The following SCO1 variants were observed in gnomAD, a reference collection of about 807,000 sequenced individuals.
SCO1 encodes the protein cytochrome c oxidase assembly factor SCO1.
Under a neutral mutation model 34.0 loss-of-function variants are expected in SCO1, and 23 were observed. The ratio of observed to expected loss-of-function variants is 0.68; its 90% CI spans 0.49 to 0.96. SCO1 has a LOEUF of 0.96. Among genes scored for constraint, SCO1 ranks in the 40% least tolerant of loss-of-function variants. The probability of loss-of-function intolerance (pLI) is 0.00; values close to 1 mark genes in which losing one functional copy is unlikely to be tolerated. For missense variants in SCO1, 404 were observed against 381.6 expected (o/e 1.06, Z -0.49); for synonymous variants, 161 against 145.5 (o/e 1.11, Z -0.77).
chr17:10,674,889 T>C lies in SCO1; in HGVS notation c.*6230A>G, dbSNP rs2074570515. The C allele has an allele frequency of 6.6e-6, 1 of 152,226 alleles. No homozygotes were observed. Among genetic ancestry groups the C allele is most frequent in the South Asian group, 2.1e-4 (1 of 4,830 alleles). The allele number at this position is 152,226 out of a possible 1,614,324, so 9.4% of individuals were successfully genotyped here. On this transcript the variant is annotated 3_prime_UTR_variant, in exon 6 of 6. Transcript: ENST00000255390. ...TCAGATGGCTCAAACACAGTGGTAA[T>C]GTCCCTGGCTTACTCCATCAAAATG...
chr17:10,674,515 C>A lies in SCO1; in HGVS notation c.*6604G>T. 1 of 235,552 alleles carries A rather than the reference C, an allele frequency of 4.2e-6. No homozygotes were observed. The highest frequency in any genetic ancestry group is 4.5e-5 in the South Asian group (1 of 22,104). 14.6% of individuals were successfully genotyped at this position (235,552 alleles called of 1,614,324 possible). ...AGAAGCTGCATTTCTGCTAAGTACCCCAGTGGTGTGACACTGCCGGACCAC... is the reference window on the plus strand; with the variant it reads ...AGAAGCTGCATTTCTGCTAAGTACCACAGTGGTGTGACACTGCCGGACCAC... On this transcript the variant is annotated 3_prime_UTR_variant, in exon 6 of 6. Coordinates refer to ENST00000255390, the MANE Select transcript of SCO1 (RefSeq NM_004589.4).
chr17:10,695,886 C>T, intron 1 of SCO1, 55 bp from the exon 2 acceptor site: 1 of 1,299,464 alleles, frequency 7.7e-7, no homozygotes, highest in South Asian at 1.2e-5. Flanking sequence ...AAACATTTAA[C>T]CATACAAACT....
In SCO1 at chr17:10,694,169, G is replaced by A. The variant is rs926617929; in HGVS notation, c.365-1208C>T. Among the ~76,000 whole-genome samples, 7 of 152,268 alleles carry A rather than the reference G, an allele frequency of 4.6e-5. No individual in the cohort carries two copies. The East Asian group carries it at 7.7e-4, about 17-fold the overall frequency. On this transcript the variant is annotated intron_variant, in intron 2 of 5. Coordinates refer to ENST00000255390, the MANE Select transcript of SCO1 (RefSeq NM_004589.4). ...TATTCCTGCCAAAGGTACACAACCCGAATGACCTGAATGAGGAAACATCAG... is the reference window on the plus strand; with the variant it reads ...TATTCCTGCCAAAGGTACACAACCCAAATGACCTGAATGAGGAAACATCAG...
Position 10,697,493 on chromosome 17 carries a change from G to C in SCO1, c.15C>G (p.Val5=), listed in dbSNP as rs780334801. The C allele has an allele frequency of 1.9e-6, 3 of 1,613,322 alleles. No homozygotes were observed. Among genetic ancestry groups the C allele is most frequent in the Admixed American group, 1.7e-5 (1 of 59,978 alleles). MAML[V]LVPGRVMRPL... ...GCCGCATAACTCGTCCGGGTACTAG[G>C]ACCAGCATCGCCATGAGCCTCGGAG... The change falls in exon 1 of 6, where the codon GTC becomes GTG. Residue 5 remains valine (V), a synonymous_variant. Coordinates refer to ENST00000255390, the MANE Select transcript of SCO1 (RefSeq NM_004589.4).
chr17:10,686,423 A>G (rs1313974967), intron 5 of SCO1, among the ~76,000 whole-genome samples: 1 of 151,426 alleles, frequency 6.6e-6, no homozygotes, highest in African/African-American at 2.4e-5. Flanking sequence ...CTACCAAAAA[A>G]TATAAAAAAG....
At chr17:10,689,008 T>C (rs1371971119) in intron 4 of SCO1, among the ~76,000 whole-genome samples, 1 of 142,334 alleles carries the variant, frequency 7.0e-6, no homozygotes, top group African/African-American at 2.8e-5. Context: ...CCCAGCTACT[T>C]GGGAGGCTGA....
rs770075115 is a variant in SCO1 at position 10,697,479 on chromosome 17, C to T, written c.29G>A (p.Arg10Gln). 2 of 1,613,476 alleles carry T rather than the reference C, an allele frequency of 1.2e-6. No homozygotes were observed. The highest frequency in any genetic ancestry group is 8.5e-7 in the Non-Finnish European group (1 of 1,179,926). Residue 10 changes from arginine (R) to glutamine (Q), a missense_variant, in exon 1 of 6, where the codon CGA (arginine) becomes CAA (glutamine). By Grantham distance (43) the Arg-to-Gln change is conservative. Coordinates refer to ENST00000255390, the MANE Select transcript of SCO1 (RefSeq NM_004589.4). ...TTGGCCACCCAGAGGCCGCATAACT[C>T]GTCCGGGTACTAGGACCAGCATCGC... MAMLVLVPG[R>Q]VMRPLGGQLW... is the part of the protein sequence containing the mutation.
At position 10,676,323 on chromosome 17, in the gene SCO1, T is replaced by C. The variant is rs1023805918; in HGVS notation, c.*4796A>G. The C allele has an allele frequency of 1.3e-5, 2 of 152,172 alleles. No homozygotes were observed. Among genetic ancestry groups the C allele is most frequent in the Non-Finnish European group, 2.9e-5 (2 of 68,078 alleles). 9.4% of individuals were successfully genotyped at this position (152,172 alleles called of 1,614,324 possible). A position where few individuals can be genotyped will look rare whatever the true frequency, so the allele number is the denominator to read the frequency against. The stretch of plus-strand genomic sequence containing the variant: ...TCAGGCCAGTCTCGAACTCTCAACC[T>C]CAGGTGATCCACCCGCCTTTGCTTC... On this transcript the variant is annotated 3_prime_UTR_variant, in exon 6 of 6. Coordinates refer to ENST00000255390, the MANE Select transcript of SCO1 (RefSeq NM_004589.4).
chr17:10,691,896 C>T lies in SCO1; in HGVS notation c.631G>A (p.Glu211Lys), dbSNP rs763158579. 6.2e-7 allele frequency: 1 copy of T among 1,612,422 alleles called. No individual in the cohort carries two copies. Among genetic ancestry groups the T allele is most frequent in the Non-Finnish European group, 8.5e-7 (1 of 1,178,472 alleles). Residue 211 changes from glutamate to lysine, a missense_variant, in exon 4 of 6, where the codon GAA becomes AAA. Coordinates refer to ENST00000255390, the MANE Select transcript of SCO1 (RefSeq NM_004589.4). ...ISIDPERDTK[E>K]AIANYVKEFS... Reference sequence around the variant, plus strand: ...CCTTTCACATAATTTGCGATGGCTTCTTTTGTGTCCCTCTCTGGGTCAATG... The same window carrying T: ...CCTTTCACATAATTTGCGATGGCTTTTTTTGTGTCCCTCTCTGGGTCAATG...
intron 2 of SCO1, among the ~76,000 whole-genome samples, chr17:10,694,152 C>A (rs1444617497): frequency 1.3e-5 from 2 of 152,150 alleles, no homozygotes; most frequent in African/African-American, 4.8e-5. Context: ...GATATTCCTG[C>A]CAAAGGTACA....
In SCO1 at chr17:10,673,002, T is replaced by G. The variant is rs2074556254; in HGVS notation, c.*8117A>C. 1 of 108,156 alleles carries G rather than the reference T, an allele frequency of 9.2e-6. No homozygotes were observed. The allele number at this position is 108,156 out of a possible 1,614,324, so 6.7% of individuals were successfully genotyped here. On this transcript the variant is annotated 3_prime_UTR_variant, in exon 6 of 6. Transcript: ENST00000255390. ...CTAAAAGCTGCCCTAATTTTTCTTT[T>G]TTTTCTTTTTTTTTTTTTTTGAGAT... is the stretch of plus-strand genomic sequence containing the variant.
intron 3 of SCO1, among the ~76,000 whole-genome samples, chr17:10,692,419 C>T (rs571309172): frequency 1.3e-5 from 2 of 152,258 alleles, no homozygotes; most frequent in East Asian, 3.9e-4. Context: ...TAGTAAAATG[C>T]CACAGACTGC....
chr17:10,697,370 C>G lies in SCO1; in HGVS notation c.138G>C (p.Ala46=), dbSNP rs2074738170. ...TARVLLRQFC[A]RQAEAWRASG... is the part of the protein sequence containing the mutation. ...AGGCACGCCACGCCTCCGCTTGCCG[C>G]GCGCAGAACTGCCTCAGCAAGACTC... The change falls in exon 1 of 6, where the codon GCG becomes GCC. Residue 46 remains alanine, a synonymous_variant. Transcript: ENST00000255390. 6.3e-7 allele frequency: 1 copy of G among 1,596,248 alleles called. No individual in the cohort carries two copies. The highest frequency in any genetic ancestry group is 8.5e-7 in the Non-Finnish European group (1 of 1,171,318).
In SCO1 at chr17:10,674,272, T is replaced by G. The variant is rs776064181; in HGVS notation, c.*6847A>C. On this transcript the variant is annotated 3_prime_UTR_variant, in exon 6 of 6. Transcript: ENST00000255390. Reference sequence around the variant, plus strand: ...TCTACTAAAAATACAAAAATTACCATGCACGCCACCGGGCATGGTGGCGGG... The same window carrying G: ...TCTACTAAAAATACAAAAATTACCAGGCACGCCACCGGGCATGGTGGCGGG... 6.2e-6 allele frequency: 1 copy of G among 162,558 alleles called. No homozygotes were observed. The highest frequency in any genetic ancestry group is 1.3e-5 in the Non-Finnish European group (1 of 74,604). The allele number at this position is 162,558 out of a possible 1,614,324, so 10.1% of individuals were successfully genotyped here.
chr17:10,673,566 G>A lies in SCO1; in HGVS notation c.*7553C>T, dbSNP rs2074561068. 2 of 152,340 alleles carry A rather than the reference G, an allele frequency of 1.3e-5. No individual in the cohort carries two copies. The highest frequency in any genetic ancestry group is 3.4e-3 in the Middle Eastern group (1 of 294). 9.4% of individuals were successfully genotyped at this position (152,340 alleles called of 1,614,324 possible). ...CCCCACTTTCTTCTGTAACTAAGACGGCCTTAGCAGAGCCTGGGCTGACAG... is the reference window on the plus strand; with the variant it reads ...CCCCACTTTCTTCTGTAACTAAGACAGCCTTAGCAGAGCCTGGGCTGACAG... On this transcript the variant is annotated 3_prime_UTR_variant, in exon 6 of 6. Transcript: ENST00000255390.
rs535129841 is a variant in SCO1 at position 10,694,270 on chromosome 17, G to C, written c.365-1309C>G. On this transcript the variant is annotated intron_variant, in intron 2 of 5. Transcript: ENST00000255390. Reference sequence around the variant, plus strand: ...AAAGCTGTCAAGGTTGTGGGAGTCAGTTAAAGCCTGGGAAACTGTTACAGA... The same window carrying C: ...AAAGCTGTCAAGGTTGTGGGAGTCACTTAAAGCCTGGGAAACTGTTACAGA... Among the ~76,000 whole-genome samples, 7 of 152,352 alleles carry C rather than the reference G, an allele frequency of 4.6e-5. No homozygotes were observed. The East Asian group carries it at 1.4e-3, about 29-fold the overall frequency.
In SCO1 at chr17:10,676,102, CTTT is replaced by C. The variant is rs772905357; in HGVS notation, c.*5014_*5016del. The C allele has an allele frequency of 6.6e-6, 1 of 151,978 alleles. No individual in the cohort carries two copies. The highest frequency in any genetic ancestry group is 2.4e-5 in the African/African-American group (1 of 41,360). The allele number at this position is 151,978 out of a possible 1,614,324, so 9.4% of individuals were successfully genotyped here. On this transcript the variant is annotated 3_prime_UTR_variant, in exon 6 of 6. Transcript: ENST00000255390. The stretch of plus-strand genomic sequence containing the variant: ...ACTGTGGTTGTTTTTTTCTTTCTTT[CTTT>C]TTTGTTTTTTGAGACAACTCTTGTT...
At chr17:10,694,598 G>A (rs1378223466) in intron 2 of SCO1, among the ~76,000 whole-genome samples, 2 of 152,126 alleles carry the variant, frequency 1.3e-5, no homozygotes, top group African/African-American at 2.4e-5. Context: ...AGCTAATGAC[G>A]CAACATGTCA....
Position 10,680,883 on chromosome 17 carries a change from T to C in SCO1, c.*236A>G. On this transcript the variant is annotated 3_prime_UTR_variant, in exon 6 of 6. Transcript: ENST00000255390. Reference sequence around the variant, plus strand: ...CTTCACTGGCTTCACTTCAGCTTGATCCTCTGGTCTCCCCACAGCTTCCTG... The same window carrying C: ...CTTCACTGGCTTCACTTCAGCTTGACCCTCTGGTCTCCCCACAGCTTCCTG... 1 of 554,618 alleles carries C rather than the reference T, an allele frequency of 1.8e-6. No homozygotes were observed. The highest frequency in any genetic ancestry group is 2.0e-5 in the South Asian group (1 of 49,186). 34.4% of individuals were successfully genotyped at this position (554,618 alleles called of 1,614,324 possible). A position where few individuals can be genotyped will look rare whatever the true frequency, so the allele number is the denominator to read the frequency against.
Sources: gnomAD v4.1 joint callset for allele counts (sites outside exome capture counted in the v4.1 genomes callset) on GRCh38, gnomAD v4.1.1 for gene constraint, MANE v1.5 for transcripts, NCBI Gene and HGNC (gene_info 2026-07-23, HGNC 2026-07-21) for gene names.